Variants in SLC25A26 observed in about 807,000 individuals in gnomAD.
SLC25A26 encodes solute carrier family 25 member 26.
Under a neutral mutation model 37.8 loss-of-function variants are expected in SLC25A26, and 36 were observed. The ratio of observed to expected loss-of-function variants is 0.95; its 90% confidence interval spans 0.73 to 1.26. The LOEUF is 1.26. Among genes scored for constraint, SLC25A26 ranks in the 50% most tolerant of loss-of-function variants. The pLI, the probability that SLC25A26 is intolerant of heterozygous loss-of-function variation, is 0.00. For synonymous variants in SLC25A26, 129 were observed against 122.5 expected, an observed-to-expected ratio of 1.05 and a Z score of -0.35; for missense variants, 390 against 331.1, an observed-to-expected ratio of 1.18 and a Z score of -1.38.
intron 1 of SLC25A26, among the ~76,000 whole-genome samples, chr3:66,201,749 G>A (rs1157362984): frequency 2.0e-5 from 3 of 152,158 alleles, no homozygotes; most frequent in Admixed American, 6.5e-5. Context: ...AATTGATGTT[G>A]CTGAGACATT....
At chr3:66,175,109 GTATATATATA>G (rs769631849) in intron 1 of SLC25A26, among the ~76,000 whole-genome samples, 1,288 of 97,316 alleles carry the variant, frequency 0.013, 20 homozygotes, top group Non-Finnish European at 0.017. Context: ...ATGTGTGTGT[GTATATATATA>G]TATATATATA....
intron 1 of SLC25A26, among the ~76,000 whole-genome samples, chr3:66,231,034 T>C (rs990909972): frequency 1.3e-5 from 2 of 151,222 alleles, no homozygotes; most frequent in African/African-American, 4.9e-5. Context: ...AATTAGCCAG[T>C]CATGGTGGCA....
intron 1 of SLC25A26, among the ~76,000 whole-genome samples, chr3:66,157,809 G>T (rs1047875451): frequency 9.2e-5 from 14 of 152,114 alleles, no homozygotes; most frequent in South Asian, 2.1e-4. Context: ...ATTTTTTTGA[G>T]ACAGGGTCTC....
chr3:66,279,436 T>C (rs1281421208), intron 5 of SLC25A26, among the ~76,000 whole-genome samples: 2 of 152,176 alleles, frequency 1.3e-5, no homozygotes, highest in Non-Finnish European at 2.9e-5. Flanking sequence ...TACAGTGTCC[T>C]CATTGAATGA....
chr3:66,326,011 A>G (rs1375169621), intron 5 of SLC25A26, among the ~76,000 whole-genome samples: 2 of 152,170 alleles, frequency 1.3e-5, no homozygotes, highest in African/African-American at 2.4e-5. Flanking sequence ...GATTGAAGAA[A>G]TATTTAGGAG....
rs140913139 is a variant in SLC25A26, at chr3:66,228,246, T to C, written c.33+7119T>C. 2.3e-3 allele frequency among the ~76,000 whole-genome samples: 356 copies of C among 152,378 alleles called. 1 individual carries two copies. Among genetic ancestry groups the C allele is most frequent in the African/African-American group, 8.0e-3 (332 of 41,600 alleles). On this transcript the variant is annotated intron_variant, in intron 1 of 9. Transcript: ENST00000354883. ...CCACCACTGTGATGGAGGCATTTTT[T>C]TGTGCATCTCTACTACCCACAGATG...
intron 1 of SLC25A26, among the ~76,000 whole-genome samples, chr3:66,227,741 G>T (rs781829811): frequency 6.6e-6 from 1 of 152,116 alleles, no homozygotes; most frequent in Non-Finnish European, 1.5e-5. Context: ...CGTGATACTT[G>T]GGTGTCTTCT....
chr3:66,364,454 GC>G (rs2076781914), intron 7 of SLC25A26, among the ~76,000 whole-genome samples: 1 of 152,164 alleles, frequency 6.6e-6, no homozygotes. Flanking sequence ...GGAGCGAGGT[GC>G]CCACGGCTAC....
chr3:66,247,050 G>A (rs945896670), intron 3 of SLC25A26, among the ~76,000 whole-genome samples: 1 of 151,786 alleles, frequency 6.6e-6, no homozygotes, highest in Non-Finnish European at 1.5e-5. Context: ...ATTTTTAGTA[G>A]AGACGGGGTT....
intron 1 of SLC25A26, among the ~76,000 whole-genome samples, chr3:66,151,635 T>C (rs1253004316): frequency 2.6e-5 from 4 of 152,164 alleles, no homozygotes; most frequent in Non-Finnish European, 5.9e-5. Context: ...TGCTCCTTTC[T>C]CCATGGAGGG....
intron 5 of SLC25A26, among the ~76,000 whole-genome samples, chr3:66,277,727 G>T (rs1358732792): frequency 6.6e-6 from 1 of 152,066 alleles, no homozygotes; most frequent in Non-Finnish European, 1.5e-5. Flanking sequence ...AAGACTGGCA[G>T]TCACTATTTT....
upstream of SLC25A26, among the ~76,000 whole-genome samples, chr3:66,220,343 G>A (rs1553657793): frequency 6.6e-6 from 1 of 152,146 alleles, no homozygotes; most frequent in Non-Finnish European, 1.5e-5. Context: ...CAAGGTATTT[G>A]TTTGTTTAAT....
At chr3:66,160,173 T>C (rs1166387507) in intron 1 of SLC25A26, among the ~76,000 whole-genome samples, 3 of 151,974 alleles carry the variant, frequency 2.0e-5, no homozygotes, top group Non-Finnish European at 4.4e-5. Flanking sequence ...TGGTTAATTT[T>C]TTAATGGGGT....
At chr3:66,369,045 AAAAACAAAAAAAAAAAAC>A (rs1225040059) in intron 7 of SLC25A26, among the ~76,000 whole-genome samples, 5 of 21,218 alleles carry the variant, frequency 2.4e-4, no homozygotes, top group East Asian at 3.7e-3. Context: ...AAAAAAAAAC[AAAAACAAAAAAAAAAAAC>A]AAAAGACAGT....
chr3:66,158,773 C>T (rs190593705), intron 1 of SLC25A26, among the ~76,000 whole-genome samples: 2 of 152,076 alleles, frequency 1.3e-5, no homozygotes, highest in African/African-American at 4.8e-5. Flanking sequence ...GATATGAGGA[C>T]AATCATGAGT....
intron 5 of SLC25A26, among the ~76,000 whole-genome samples, chr3:66,277,813 G>C (rs1321518024): frequency 6.6e-6 from 1 of 152,016 alleles, no homozygotes; most frequent in Admixed American, 6.6e-5. Flanking sequence ...AATGCACCAA[G>C]AAGGACACAA....
chr3:66,259,545 G>A (rs563937890), intron 3 of SLC25A26, among the ~76,000 whole-genome samples: 14 of 152,168 alleles, frequency 9.2e-5, no homozygotes, highest in Admixed American at 8.5e-4. Context: ...GCATCTTACT[G>A]TCTCCCTACT....
At chr3:66,322,318 T>C (rs1233556691) in intron 5 of SLC25A26, among the ~76,000 whole-genome samples, 1 of 152,228 alleles carries the variant, frequency 6.6e-6, no homozygotes, top group Non-Finnish European at 1.5e-5. Context: ...ATGTGACTAG[T>C]TAAAGATATT....
chr3:66,246,416 G>A (rs531424222), intron 3 of SLC25A26, among the ~76,000 whole-genome samples: 2 of 152,312 alleles, frequency 1.3e-5, no homozygotes, highest in African/African-American at 4.8e-5. Flanking sequence ...GTAGCTATTA[G>A]ATTTCTCATG....
Sources: gnomAD v4.1 joint callset for allele counts (sites outside exome capture counted in the v4.1 genomes callset) on GRCh38, gnomAD v4.1.1 for gene constraint, MANE v1.5 for transcripts, NCBI Gene and HGNC (gene_info 2026-07-23, HGNC 2026-07-21) for gene names.